The following ATAD5 variants were observed in gnomAD, a reference collection of about 807,000 sequenced individuals.
The protein encoded by ATAD5 is ATPase family AAA domain containing 5, also known as ATPase family AAA domain-containing protein 5.
A neutral mutation model predicts 176.9 loss-of-function variants in ATAD5; 58 were observed. The observed-to-expected ratio is 0.33, with a 90% confidence interval of 0.27 to 0.41. The LOEUF is 0.41. Among genes scored for constraint, ATAD5 ranks in the 10% least tolerant of loss-of-function variants. The pLI is 1.00. For missense variants in ATAD5, 1,789 were observed against 2,094.1 expected (o/e 0.85, Z 2.84); for synonymous variants, 640 against 712.6 (o/e 0.90, Z 1.62).
intron 6 of ATAD5, among the ~76,000 whole-genome samples, chr17:30,851,064 T>G (rs1211831036): frequency 4.9e-4 from 71 of 144,618 alleles, no homozygotes; most frequent in African/African-American, 1.8e-3. Flanking sequence ...TTTTTTTGTA[T>G]TTTTAGTAGA....
intron 2 of ATAD5, 45 bp from the exon 3 acceptor site, chr17:30,837,161 G>T: frequency 9.2e-7 from 1 of 1,089,120 alleles, no homozygotes; most frequent in Non-Finnish European, 1.3e-6. Context: ...TCTTGTGTAT[G>T]TTATAATCAT....
intron 18 of ATAD5, among the ~76,000 whole-genome samples, chr17:30,885,664 G>A (rs546302565): frequency 6.0e-4 from 68 of 113,538 alleles, no homozygotes; most frequent in Admixed American, 2.0e-3. Context: ...GATGGAGTTC[G>A]CTCTTGTCGC....
chr17:30,888,507 G>A (rs1786963836), intron 19 of ATAD5, among the ~76,000 whole-genome samples: 1 of 152,048 alleles, frequency 6.6e-6, no homozygotes, highest in African/African-American at 2.4e-5. Context: ...TCACGCCACT[G>A]CACTCCAGCC....
intron 14 of ATAD5, 125 bp downstream of exon 14, chr17:30,869,771 C>T: frequency 4.0e-6 from 4 of 1,008,166 alleles, no homozygotes; most frequent in African/African-American, 1.7e-5. Flanking sequence ...TCCTGCCCAC[C>T]CCTGCCAGAT....
intron 7 of ATAD5, among the ~76,000 whole-genome samples, chr17:30,855,858 CA>C (rs1238740196): frequency 7.5e-6 from 1 of 132,756 alleles, no homozygotes; most frequent in Admixed American, 7.8e-5. Context: ...GACCCTGTCT[CA>C]AAAAAAGAAA....
chr17:30,835,658 A>C lies in ATAD5; in HGVS notation c.1577A>C (p.Glu526Ala). The C allele has an allele frequency of 6.2e-7, 1 of 1,603,822 alleles. No individual in the cohort carries two copies. Among genetic ancestry groups the C allele is most frequent in the Non-Finnish European group, 8.5e-7 (1 of 1,176,998 alleles). ...NRMSLRQRKT[E>A]FFKSSTLFNN... ...ATGAGTTTAAGACAAAGGAAAACAG[A>C]GTTTTTCAAAAGCAGCACTTTATTT... Residue 526 changes from glutamate to alanine, a missense_variant, in exon 2 of 23, where the codon GAG becomes GCG. By Grantham distance (107) the Glu-to-Ala change is moderately radical. Around this residue, in one of 6 missense-constraint regions of ATAD5, gnomAD observed 696 missense variants for 712.5 expected, o/e 0.98. Transcript: ENST00000321990.
At chr17:30,875,329 A>G (rs966728221) in intron 14 of ATAD5, among the ~76,000 whole-genome samples, 1 of 152,110 alleles carries the variant, frequency 6.6e-6, no homozygotes, top group African/African-American at 2.4e-5. Context: ...CATCTCTAAA[A>G]ATACATTTTA....
chr17:30,844,929 C>G lies in ATAD5; in HGVS notation c.2450+13C>G. 1 of 1,572,130 alleles carries G rather than the reference C, an allele frequency of 6.4e-7. No individual in the cohort carries two copies. On this transcript the variant is annotated intron_variant, in intron 6 of 22. Coordinates refer to ENST00000321990, the MANE Select transcript of ATAD5 (RefSeq NM_024857.5). ...TTGATGAAAGCAGGTCAGTCCAATA[C>G]AAATTTTTAAATGCCAAAATATTTT...
At chr17:30,845,703 T>C (rs1906454607) in intron 6 of ATAD5, among the ~76,000 whole-genome samples, 1 of 152,186 alleles carries the variant, frequency 6.6e-6, no homozygotes, top group Non-Finnish European at 1.5e-5. Context: ...ATTTGGATTT[T>C]AGAAGTTTAA....
At chr17:30,894,250 A>G (rs1567703112) in intron 21 of ATAD5, 100 bp downstream of exon 21, 2 of 1,060,424 alleles carry the variant, frequency 1.9e-6, no homozygotes, top group Non-Finnish European at 1.3e-6. Context: ...ACTATTGATC[A>G]TGGTAAGCCC....
intron 6 of ATAD5, among the ~76,000 whole-genome samples, chr17:30,847,400 C>T (rs919248267): frequency 4.7e-5 from 7 of 149,422 alleles, no homozygotes; most frequent in African/African-American, 7.4e-5. Context: ...GCGCGATGTC[C>T]GCTCACTGTA....
chr17:30,887,680 G>C (rs1414569879), intron 19 of ATAD5, among the ~76,000 whole-genome samples: 4 of 152,106 alleles, frequency 2.6e-5, no homozygotes, highest in African/African-American at 9.7e-5. Flanking sequence ...TGCGCAGGGT[G>C]GCATGTGCCT....
chr17:30,859,347 TTTTTATTTTA>T lies in ATAD5; in HGVS notation c.2956+1038_2956+1047del, dbSNP rs567246426. Among the ~76,000 whole-genome samples the T allele has an allele frequency of 5.3e-4, 80 of 152,244 alleles. No individual in the cohort carries two copies. In the East Asian group the frequency reaches 0.015, roughly 28 times the overall value. On this transcript the variant is annotated intron_variant, in intron 9 of 22. Transcript: ENST00000321990. ...CAGTATGTTATATTTGATTCTTGCC[TTTTTATTTTA>T]TTTTATTTTATTTATTTTTTGAGAC...
At chr17:30,847,704 G>A (rs528728729) in intron 6 of ATAD5, among the ~76,000 whole-genome samples, 32 of 148,534 alleles carry the variant, frequency 2.2e-4, no homozygotes, top group African/African-American at 6.9e-4. Context: ...TTATTAAATA[G>A]ACTGCTATGA....
At chr17:30,848,505 C>T (rs1906671659) in intron 6 of ATAD5, among the ~76,000 whole-genome samples, 1 of 152,140 alleles carries the variant, frequency 6.6e-6, no homozygotes, top group Admixed American at 6.6e-5. Context: ...GTGATCTACC[C>T]ACCTTGGCCT....
At position 30,893,462 on chromosome 17, in the gene ATAD5, G is replaced by A. The variant is rs780241480; in HGVS notation, c.4609G>A (p.Ala1537Thr). 6 of 1,613,770 alleles carry A rather than the reference G, an allele frequency of 3.7e-6. No homozygotes were observed. Among genetic ancestry groups the A allele is most frequent in the Non-Finnish European group, 5.1e-6 (6 of 1,179,930 alleles). Reference sequence around the variant, plus strand: ...TTGTGGCCCATCAGTAACTGTGGATGCCAGTGCAGCAACAAAAAGTATGAA... The same window carrying A: ...TTGTGGCCCATCAGTAACTGTGGATACCAGTGCAGCAACAAAAAGTATGAA... ...NFCGPSVTVD[A>T]SAATKSMNCL... Residue 1537 changes from alanine to threonine, a missense_variant, in exon 21 of 23, where the codon GCC (alanine) becomes ACC (threonine). Physicochemically the swap from Ala to Thr is moderately conservative, Grantham distance 58. This residue lies in a region of ATAD5 where 403 missense variants were observed against 495.1 expected (regional missense o/e 0.81). Transcript: ENST00000321990.
At chr17:30,857,162 C>A in intron 8 of ATAD5, 50 bp downstream of exon 8, 1 of 1,540,028 alleles carries the variant, frequency 6.5e-7, no homozygotes, top group Non-Finnish European at 8.7e-7. Flanking sequence ...TTACATCTTG[C>A]AGAGGAAAAA....
chr17:30,888,567 T>A (rs560388440), intron 19 of ATAD5, among the ~76,000 whole-genome samples: 9 of 151,882 alleles, frequency 5.9e-5, no homozygotes, highest in Admixed American at 1.3e-4. Context: ...GCAGTCAATG[T>A]GAGTAAATAG....
At chr17:30,894,508 GATTACTGCATTTTTCTTGGGC>G in intron 21 of ATAD5, 35 bp from the exon 22 acceptor site, 1 of 1,530,538 alleles carries the variant, frequency 6.5e-7, no homozygotes, top group South Asian at 1.2e-5. Context: ...TTGTGATTGG[GATTACTGCATTTTTCTTGGGC>G]ATTAAAAATT....
Sources: allele counts gnomAD v4.1 joint callset (sites outside exome capture counted in the v4.1 genomes callset), GRCh38; gene constraint gnomAD v4.1.1; regional missense constraint gnomAD v4.1.1; transcripts MANE v1.5; gene names NCBI Gene and HGNC (gene_info 2026-07-23, HGNC 2026-07-21).